Variants in MAPK8 observed in about 807,000 individuals in gnomAD.
The protein encoded by MAPK8 is mitogen-activated protein kinase 8, also known as JUN N-terminal kinase.
MAPK8 carries 13 observed loss-of-function variants against 52.9 expected under a neutral mutation model. The observed-to-expected ratio is 0.25, with a 90% confidence interval of 0.16 to 0.39. The LOEUF is 0.39. Among genes scored for constraint, MAPK8 ranks in the 10% least tolerant of loss-of-function variants. The pLI, the probability that MAPK8 is intolerant of heterozygous loss-of-function variation, is 1.00. For missense variants in MAPK8, 300 were observed against 519.2 expected (o/e 0.58, Z 4.10); for synonymous variants, 191 against 169.8 (o/e 1.12, Z -0.97).
At chr10:48,306,848 G>C (rs989587493) in intron 1 of MAPK8, 27 bp downstream of exon 1, 1 of 151,712 alleles carries the variant, frequency 6.6e-6, no homozygotes, top group African/African-American at 2.4e-5. Flanking sequence ...CCGCAGGGCC[G>C]GGACGGCAGG....
At chr10:48,382,914 A>T (rs1053488364) in intron 1 of MAPK8, among the ~76,000 whole-genome samples, 39 of 43,626 alleles carry the variant, frequency 8.9e-4, no homozygotes, top group Non-Finnish European at 2.3e-3. Flanking sequence ...GTGTATATAT[A>T]TATATGTATA....
rs1425201757 is a variant in MAPK8, at chr10:48,435,153, T to C, written c.*124T>C. 1.3e-5 allele frequency: 9 copies of C among 703,682 alleles called. No individual in the cohort carries two copies. The highest frequency in any genetic ancestry group is 2.0e-5 in the Non-Finnish European group (9 of 460,158). 43.6% of individuals were successfully genotyped at this position (703,682 alleles called of 1,614,324 possible). The stretch of plus-strand genomic sequence containing the variant: ...TTCAAAAAATGTAGAATTCATTTTG[T>C]AGTAAAGTAGTTTATTTTTTTTAAT... On this transcript the variant is annotated 3_prime_UTR_variant, in exon 12 of 12. Coordinates refer to ENST00000374189, the MANE Select transcript of MAPK8 (RefSeq NM_001323329.2).
intron 1 of MAPK8, among the ~76,000 whole-genome samples, chr10:48,395,922 A>G (rs2041864669): frequency 6.6e-6 from 1 of 152,136 alleles, no homozygotes; most frequent in Non-Finnish European, 1.5e-5. Context: ...GTATAATTAG[A>G]TAATAACCAA....
intron 1 of MAPK8, among the ~76,000 whole-genome samples, chr10:48,378,102 A>G (rs1022566151): frequency 6.6e-6 from 1 of 152,098 alleles, no homozygotes; most frequent in African/African-American, 2.4e-5. Flanking sequence ...TCCCTCCGCA[A>G]CCTTTACTCC....
At chr10:48,394,231 ACT>A (rs1348594820) in intron 1 of MAPK8, among the ~76,000 whole-genome samples, 2 of 151,894 alleles carry the variant, frequency 1.3e-5, no homozygotes, top group African/African-American at 2.4e-5. Context: ...ATTTCCATAC[ACT>A]CTTTCTGAAA....
At chr10:48,421,219 C>T (rs904439135) in intron 6 of MAPK8, among the ~76,000 whole-genome samples, 1 of 152,142 alleles carries the variant, frequency 6.6e-6, no homozygotes, top group Non-Finnish European at 1.5e-5. Context: ...ATAAAAGATA[C>T]AATTAAGCTG....
Position 48,376,236 on chromosome 10 carries a change from C to T in MAPK8, c.-49-25376C>T, listed in dbSNP as rs554204388. 9.5e-4 allele frequency among the ~76,000 whole-genome samples: 144 copies of T among 152,178 alleles called. 1 individual carries two copies. The highest frequency in any genetic ancestry group is 3.3e-3 in the African/African-American group (138 of 41,514). On this transcript the variant is annotated intron_variant, in intron 1 of 11. Coordinates refer to ENST00000374189, the MANE Select transcript of MAPK8 (RefSeq NM_001323329.2). ...TCCTTACACCTTATACAAAAATTAA[C>T]TCAAGATGGATTAAAGACTTAAATG...
intron 5 of MAPK8, among the ~76,000 whole-genome samples, chr10:48,417,077 C>T (rs2043107228): frequency 6.6e-6 from 1 of 152,076 alleles, no homozygotes; most frequent in African/African-American, 2.4e-5. Context: ...CACTAGATGC[C>T]AGTAGCACTC....
intron 5 of MAPK8, among the ~76,000 whole-genome samples, chr10:48,413,902 G>C (rs954171596): frequency 5.5e-5 from 7 of 127,184 alleles, no homozygotes; most frequent in African/African-American, 1.2e-4. Flanking sequence ...ATTTTTACCT[G>C]CTTTTTTGCT....
intron 1 of MAPK8, among the ~76,000 whole-genome samples, chr10:48,358,629 A>G (rs145528386): frequency 8.1e-4 from 124 of 152,272 alleles, no homozygotes; most frequent in African/African-American, 2.8e-3. Context: ...AGTCTAATTC[A>G]TCTGGTTTTC....
At chr10:48,410,198 T>C (rs1439828576) in intron 5 of MAPK8, 30 bp downstream of exon 5, 12 of 1,455,440 alleles carry the variant, frequency 8.2e-6, no homozygotes, top group Non-Finnish European at 1.1e-5. Flanking sequence ...GTCATACTCT[T>C]TGTTTTCTCA....
chr10:48,313,910 G>T (rs902012674), intron 1 of MAPK8, among the ~76,000 whole-genome samples: 2 of 152,158 alleles, frequency 1.3e-5, no homozygotes, highest in African/African-American at 4.8e-5. Flanking sequence ...TGATCCACCT[G>T]CCTTGGCCTC....
intron 1 of MAPK8, among the ~76,000 whole-genome samples, chr10:48,327,430 A>G (rs1843646527): frequency 1.3e-5 from 2 of 152,156 alleles, no homozygotes; most frequent in South Asian, 4.1e-4. Context: ...CCTGGGATAA[A>G]TCTCTCCTGG....
At chr10:48,408,458 A>T (rs191012482) in intron 3 of MAPK8, among the ~76,000 whole-genome samples, 130 of 152,358 alleles carry the variant, frequency 8.5e-4, no homozygotes, top group African/African-American at 2.9e-3. Flanking sequence ...AGTATGTTTA[A>T]AAGCATCAAA....
intron 1 of MAPK8, among the ~76,000 whole-genome samples, chr10:48,390,671 G>A (rs896377577): frequency 1.3e-5 from 2 of 152,116 alleles, no homozygotes; most frequent in African/African-American, 2.4e-5. Context: ...GAGCGGGGGC[G>A]GTCAGCCTGA....
intron 1 of MAPK8, among the ~76,000 whole-genome samples, chr10:48,314,027 G>T (rs1842248214): frequency 6.6e-6 from 1 of 152,166 alleles, no homozygotes; most frequent in African/African-American, 2.4e-5. Context: ...TAAATGGCAT[G>T]CTTTTTTAAC....
At chr10:48,374,457 GT>G (rs1564546950) in intron 1 of MAPK8, among the ~76,000 whole-genome samples, 1 of 152,184 alleles carries the variant, frequency 6.6e-6, no homozygotes, top group African/African-American at 2.4e-5. Flanking sequence ...TCAGGAGCTG[GT>G]TTTTTGAAAA....
intron 5 of MAPK8, among the ~76,000 whole-genome samples, chr10:48,416,555 T>C (rs1313982787): frequency 6.6e-6 from 1 of 152,196 alleles, no homozygotes; most frequent in East Asian, 1.9e-4. Context: ...GCATTGTTCC[T>C]CTTGGTCCAG....
chr10:48,409,013 C>T (rs1012873233), intron 3 of MAPK8, among the ~76,000 whole-genome samples: 12 of 152,166 alleles, frequency 7.9e-5, no homozygotes, highest in African/African-American at 2.7e-4. Flanking sequence ...TAATCTAACC[C>T]TTATTACCTT....
Sources: gnomAD v4.1 joint callset for allele counts (sites outside exome capture counted in the v4.1 genomes callset) on GRCh38, gnomAD v4.1.1 for gene constraint, MANE v1.5 for transcripts, NCBI Gene and HGNC (gene_info 2026-07-23, HGNC 2026-07-21) for gene names.